Variants in DPP6 observed in about 807,000 individuals in gnomAD.
DPP6 encodes dipeptidyl peptidase like 6, also known as A-type potassium channel modulatory protein DPP6.
A neutral mutation model predicts 122.6 loss-of-function variants in DPP6; 69 were observed. The observed-to-expected ratio is 0.56, with a 90% confidence interval of 0.46 to 0.69. DPP6 has a LOEUF of 0.69. Among genes scored for constraint, DPP6 ranks in the 30% least tolerant of loss-of-function variants. The probability of loss-of-function intolerance (pLI) is 0.00; values close to 1 mark genes in which losing one functional copy is unlikely to be tolerated. For missense variants in DPP6, 928 were observed against 1,116.9 expected (o/e 0.83, Z 2.41); for synonymous variants, 418 against 433.1 (o/e 0.97, Z 0.43).
chr7:154,828,959 G>C (rs542660987), intron 16 of DPP6, among the ~76,000 whole-genome samples: 1 of 152,108 alleles, frequency 6.6e-6, no homozygotes, highest in Non-Finnish European at 1.5e-5. Context: ...TCTCGGTCTC[G>C]TACCTTTGTA....
At chr7:153,889,385 C>T (rs1799089402) in intron 1 of DPP6, among the ~76,000 whole-genome samples, 1 of 152,158 alleles carries the variant, frequency 6.6e-6, no homozygotes, top group Admixed American at 6.5e-5. Flanking sequence ...TCCATCATTC[C>T]TAACTTACGT....
At chr7:154,277,155 C>T (rs754352263) in intron 1 of DPP6, among the ~76,000 whole-genome samples, 13 of 152,214 alleles carry the variant, frequency 8.5e-5, no homozygotes, top group Non-Finnish European at 1.6e-4. Context: ...TGTCAGGCAA[C>T]TCACTTTTTT....
At position 154,486,298 on chromosome 7, in the gene DPP6, TA is replaced by T. The variant is rs1285935782; in HGVS notation, c.457+11263del. Among the ~76,000 whole-genome samples, 2 of 152,086 alleles carry T rather than the reference TA, an allele frequency of 1.3e-5. No homozygotes were observed. The highest frequency in any genetic ancestry group is 3.9e-4 in the East Asian group (2 of 5,180). On this transcript the variant is annotated intron_variant, in intron 3 of 25. Coordinates refer to ENST00000377770, the MANE Select transcript of DPP6 (RefSeq NM_130797.4). The surrounding 1 kb of genome is among the most constrained non-coding windows in gnomAD (Gnocchi z 4.5). ...ACAGGTGTGTGCCACCACGCCCAGC[TA>T]ATTTTTGTATTTTTAGAAGAGACAG...
chr7:154,010,504 T>C (rs1041452270), intron 1 of DPP6, among the ~76,000 whole-genome samples: 2 of 152,236 alleles, frequency 1.3e-5, no homozygotes, highest in African/African-American at 4.8e-5. Flanking sequence ...AAATGCTTTC[T>C]CATGAATTAA....
At chr7:154,015,007 A>G (rs1261871481) in intron 1 of DPP6, among the ~76,000 whole-genome samples, 2 of 152,170 alleles carry the variant, frequency 1.3e-5, no homozygotes, top group African/African-American at 4.8e-5. Flanking sequence ...GAAGTTCATT[A>G]AATGAATGCT....
intron 16 of DPP6, among the ~76,000 whole-genome samples, chr7:154,809,160 A>T (rs1798879304): frequency 6.6e-6 from 1 of 152,150 alleles, no homozygotes; most frequent in Non-Finnish European, 1.5e-5. Context: ...GATATGAAGG[A>T]GTGATATTTC....
At chr7:154,800,667 A>G (rs1798306391) in intron 12 of DPP6, among the ~76,000 whole-genome samples, 1 of 152,196 alleles carries the variant, frequency 6.6e-6, no homozygotes, top group Non-Finnish European at 1.5e-5. Context: ...TTCCAGGGAA[A>G]AGAGACAGTA....
chr7:154,030,217 A>G (rs915817232), intron 1 of DPP6, among the ~76,000 whole-genome samples: 2 of 152,120 alleles, frequency 1.3e-5, no homozygotes, highest in Non-Finnish European at 2.9e-5. Flanking sequence ...ATAAGTAGCA[A>G]TTTTGGCCCC....
chr7:153,983,405 C>G (rs561696179), intron 1 of DPP6, among the ~76,000 whole-genome samples: 1 of 152,344 alleles, frequency 6.6e-6, no homozygotes, highest in South Asian at 2.1e-4. Context: ...CCTGACCAAG[C>G]TTGAGCATCC....
chr7:153,961,164 C>T (rs1274808934), intron 1 of DPP6, among the ~76,000 whole-genome samples: 2 of 140,294 alleles, frequency 1.4e-5, no homozygotes, highest in Non-Finnish European at 3.0e-5. Flanking sequence ...TGCCCAGCCA[C>T]TGTTAAGAAC....
At chr7:154,592,797 A>G (rs1832882416) in intron 5 of DPP6, among the ~76,000 whole-genome samples, 1 of 152,072 alleles carries the variant, frequency 6.6e-6, no homozygotes, top group Non-Finnish European at 1.5e-5. Context: ...ATCCGGGAAA[A>G]CTACACACAG....
chr7:154,260,164 G>C lies in DPP6; in HGVS notation c.244-186050G>C, dbSNP rs550898467. ...GTGGAGAGGCAGCCACAAGTCTGTG[G>C]GGTGGGAGCGGTAGGAGAGGATGTG... On this transcript the variant is annotated intron_variant, in intron 1 of 25. Transcript: ENST00000377770. Among the ~76,000 whole-genome samples the C allele has an allele frequency of 1.1e-4, 16 of 152,280 alleles. No homozygotes were observed. In the South Asian group the frequency reaches 3.1e-3, roughly 30 times the overall value.
chr7:153,750,214 C>T, the DPP6 span, among the ~76,000 whole-genome samples: 1 of 152,166 alleles, frequency 6.6e-6, no homozygotes, highest in Non-Finnish European at 1.5e-5. Context: ...TAAGTAATAT[C>T]GAGCATTTTC....
At chr7:154,860,184 C>T (rs2150596600) in intron 17 of DPP6, among the ~76,000 whole-genome samples, 1 of 152,284 alleles carries the variant, frequency 6.6e-6, no homozygotes, top group South Asian at 2.1e-4. Flanking sequence ...CTGCTGGGCG[C>T]ACCCCTGCCC....
intron 5 of DPP6, among the ~76,000 whole-genome samples, chr7:154,609,398 G>A (rs915295683): frequency 6.6e-6 from 1 of 152,302 alleles, no homozygotes; most frequent in South Asian, 2.1e-4. Context: ...GCTTACAAGC[G>A]AGTTCACTAG....
chr7:154,611,571 ATT>A (rs1563008364), intron 5 of DPP6, among the ~76,000 whole-genome samples: 1 of 151,692 alleles, frequency 6.6e-6, no homozygotes, highest in African/African-American at 2.4e-5. Flanking sequence ...GCAACCAGCC[ATT>A]CTTTACCAAT....
At chr7:154,696,335 G>A (rs1043369334) in intron 7 of DPP6, among the ~76,000 whole-genome samples, 24 of 152,312 alleles carry the variant, frequency 1.6e-4, no homozygotes, top group African/African-American at 5.8e-4. Flanking sequence ...AAGGTTACAC[G>A]GGACCCAGTG....
chr7:153,877,832 C>T, the DPP6 span, among the ~76,000 whole-genome samples: 1 of 151,666 alleles, frequency 6.6e-6, no homozygotes, highest in Non-Finnish European at 1.5e-5. Flanking sequence ...TAATGGAAAC[C>T]AAAAAGAAGA....
chr7:154,059,860 C>A (rs1476606825), intron 1 of DPP6, among the ~76,000 whole-genome samples: 7 of 151,122 alleles, frequency 4.6e-5, no homozygotes, highest in African/African-American at 1.7e-4. Context: ...AAGGATGGCC[C>A]CCCTATTTGA....
Sources: gnomAD v4.1 joint callset for allele counts (sites outside exome capture counted in the v4.1 genomes callset) on GRCh38, gnomAD v4.1.1 for gene constraint, Gnocchi (gnomAD v3.1) non-coding constraint, MANE v1.5 for transcripts, NCBI Gene and HGNC (gene_info 2026-07-23, HGNC 2026-07-21) for gene names.